The following ABL1 variants were observed in gnomAD, a reference collection of about 807,000 sequenced individuals.
ABL1 encodes the protein ABL proto-oncogene 1, non-receptor tyrosine kinase.
A neutral mutation model predicts 94.7 loss-of-function variants in ABL1; 11 were observed. The ratio of observed to expected loss-of-function variants is 0.12; its 90% CI spans 0.07 to 0.19. ABL1 has a LOEUF of 0.19. Ranked by LOEUF, ABL1 falls within the 10% of genes least tolerant of loss-of-function variation. The probability of loss-of-function intolerance (pLI) is 1.00; values close to 1 mark genes in which losing one functional copy is unlikely to be tolerated. For synonymous variants in ABL1, 656 were observed against 622.4 expected, an observed-to-expected ratio of 1.05 and a Z score of -0.80; for missense variants, 1,082 against 1,489.4, an observed-to-expected ratio of 0.73 and a Z score of 4.50.
chr9:130,883,888 C>T, intron 10 of ABL1, 81 bp from the exon 11 acceptor site: 1 of 1,501,322 alleles, frequency 6.7e-7, no homozygotes, highest in South Asian at 1.3e-5. Flanking sequence ...CAGTGGCACT[C>T]TGCCTCCCGG....
chr9:130,884,264 G>C lies in ABL1; in HGVS notation c.1974G>C (p.Lys658Asn), dbSNP rs920601940. The change falls in exon 11 of 11, where the codon AAG becomes AAC. Residue 658 changes from lysine to asparagine, a missense_variant. This residue lies in a region of ABL1 where 780 missense variants were observed against 835.8 expected (regional missense o/e 0.93). Coordinates refer to ENST00000318560, the MANE Select transcript of ABL1 (RefSeq NM_005157.6). This position sits in a 1 kb window ranked among gnomAD's most constrained non-coding sequence, Gnocchi z 5.6. ...CCTTGGACACAGCTGACCCAGCCAAGTCCCCAAAGCCCAGCAATGGGGCTG... is the reference window on the plus strand; with the variant it reads ...CCTTGGACACAGCTGACCCAGCCAACTCCCCAAAGCCCAGCAATGGGGCTG... Reference protein sequence around the residue: ...FTPLDTADPAKSPKPSNGAGV... With the variant: ...FTPLDTADPANSPKPSNGAGV... The C allele has an allele frequency of 1.9e-6, 3 of 1,597,892 alleles. No homozygotes were observed. In the African/African-American group the frequency reaches 4.0e-5, roughly 22 times the overall value.
chr9:130,829,418 A>G (rs554411799), intron 1 of ABL1, among the ~76,000 whole-genome samples: 106 of 152,108 alleles, frequency 7.0e-4, no homozygotes, highest in African/African-American at 2.4e-3. Context: ...AAAAATTAGC[A>G]GGGCGTGGTG....
At chr9:130,729,356 T>C (rs892371222) in intron 1 of ABL1, among the ~76,000 whole-genome samples, 4 of 152,318 alleles carry the variant, frequency 2.6e-5, no homozygotes, top group Non-Finnish European at 5.9e-5. Context: ...TTCTTCTGCC[T>C]ACCTCTGTGT....
In ABL1 at chr9:130,864,447, G is replaced by T. The variant is rs532768238; in HGVS notation, c.822+1412G>T. On this transcript the variant is annotated intron_variant, in intron 4 of 10. Coordinates refer to ENST00000318560, the MANE Select transcript of ABL1 (RefSeq NM_005157.6). ...TTTAGTAGAGATGGGGTTTCGCTGT[G>T]TTGGCCTGGCTGGTCTCAAACTCCT... Among the ~76,000 whole-genome samples the T allele has an allele frequency of 5.9e-5, 9 of 152,170 alleles. No homozygotes were observed. In the South Asian group the frequency reaches 1.5e-3, roughly 25 times the overall value.
At chr9:130,740,573 T>TGA (rs1831803809) in intron 1 of ABL1, among the ~76,000 whole-genome samples, 1 of 152,222 alleles carries the variant, frequency 6.6e-6, no homozygotes, top group Non-Finnish European at 1.5e-5. Context: ...CCTTATTCTA[T>TGA]TAGACGTATG....
chr9:130,758,045 T>C (rs940302067), intron 1 of ABL1, among the ~76,000 whole-genome samples: 8 of 152,074 alleles, frequency 5.3e-5, no homozygotes, highest in African/African-American at 1.9e-4. Context: ...AGAGATGTTG[T>C]TAATAGTACT....
At chr9:130,866,843 T>C (rs1269428480) in intron 4 of ABL1, among the ~76,000 whole-genome samples, 1 of 152,202 alleles carries the variant, frequency 6.6e-6, no homozygotes, top group East Asian at 1.9e-4. Context: ...CAAGAAGCTC[T>C]AATTTTTTTT....
chr9:130,860,874 C>G (rs1404385124), intron 3 of ABL1, among the ~76,000 whole-genome samples: 1 of 152,178 alleles, frequency 6.6e-6, no homozygotes, highest in Non-Finnish European at 1.5e-5. Flanking sequence ...GACCCCAGGT[C>G]CCGCTCCGTT....
chr9:130,761,343 G>A (rs1039827650), intron 1 of ABL1, among the ~76,000 whole-genome samples: 13 of 152,142 alleles, frequency 8.5e-5, no homozygotes, highest in Non-Finnish European at 1.9e-4. Flanking sequence ...CTAGGTGGGA[G>A]AATGGCATCT....
chr9:130,732,625 A>G (rs963374405), intron 1 of ABL1, among the ~76,000 whole-genome samples: 2 of 151,982 alleles, frequency 1.3e-5, no homozygotes, highest in Non-Finnish European at 2.9e-5. Context: ...AATTTGTTCT[A>G]TCCACTTGGG....
intron 1 of ABL1, among the ~76,000 whole-genome samples, chr9:130,781,783 A>T (rs1186265541): frequency 6.7e-6 from 1 of 149,800 alleles, no homozygotes; most frequent in African/African-American, 2.4e-5. Context: ...CTAAATCTGT[A>T]TTTTTTTTTT....
At chr9:130,747,406 A>G (rs895451541) in intron 1 of ABL1, among the ~76,000 whole-genome samples, 2 of 151,952 alleles carry the variant, frequency 1.3e-5, no homozygotes, top group East Asian at 3.9e-4. Flanking sequence ...AGTCTCCCTC[A>G]GTCTTCCTCT....
chr9:130,777,616 G>A (rs71501164), intron 1 of ABL1, among the ~76,000 whole-genome samples: 22 of 73,662 alleles, frequency 3.0e-4, no homozygotes, highest in East Asian at 1.5e-3. Context: ...GTGTTGGGAC[G>A]CTGACACACT....
chr9:130,803,103 G>C (rs1371027803), intron 1 of ABL1, among the ~76,000 whole-genome samples: 1 of 152,064 alleles, frequency 6.6e-6, no homozygotes. Context: ...GCAATGGCGC[G>C]ATCTCAGCTC....
At chr9:130,838,364 C>A (rs186748210) in intron 1 of ABL1, among the ~76,000 whole-genome samples, 1 of 152,256 alleles carries the variant, frequency 6.6e-6, no homozygotes, top group African/African-American at 2.4e-5. Flanking sequence ...GTCTCTTTTT[C>A]TTTTCTAGAA....
chr9:130,721,885 A>G (rs1201925478), intron 1 of ABL1, among the ~76,000 whole-genome samples: 2 of 145,208 alleles, frequency 1.4e-5, no homozygotes, highest in African/African-American at 2.6e-5. Context: ...GCAGTGGCAC[A>G]ATCTCAGCTC....
chr9:130,746,026 A>C (rs1831883442), intron 1 of ABL1, among the ~76,000 whole-genome samples: 1 of 152,134 alleles, frequency 6.6e-6, no homozygotes. Context: ...CTCCTGGCCA[A>C]ATAGAGAGAC....
chr9:130,795,743 G>A (rs1016454891), intron 1 of ABL1, among the ~76,000 whole-genome samples: 23 of 152,188 alleles, frequency 1.5e-4, no homozygotes, highest in Non-Finnish European at 3.1e-4. Context: ...AAGTGGGATA[G>A]ACATTTCTAT....
intron 1 of ABL1, among the ~76,000 whole-genome samples, chr9:130,849,882 G>A: frequency 6.6e-6 from 1 of 152,126 alleles, no homozygotes; most frequent in South Asian, 2.1e-4. Flanking sequence ...TTTCCATAGT[G>A]GAGGGATTTT....
Sources: gnomAD v4.1 joint callset for allele counts (sites outside exome capture counted in the v4.1 genomes callset) on GRCh38, gnomAD v4.1.1 for gene constraint, gnomAD v4.1.1 regional missense constraint, Gnocchi (gnomAD v3.1) non-coding constraint, MANE v1.5 for transcripts, NCBI Gene and HGNC (gene_info 2026-07-23, HGNC 2026-07-21) for gene names.